The following ZFYVE9 variants were observed in gnomAD, a reference collection of about 807,000 sequenced individuals.
The protein encoded by ZFYVE9 is zinc finger FYVE-type containing 9, also known as zinc finger FYVE domain-containing protein 9.
In ZFYVE9, 43 loss-of-function variants were observed where a neutral mutation model predicts 126.7. That is an observed-to-expected ratio of 0.34 (90% confidence interval 0.27 to 0.44). The LOEUF (loss-of-function observed/expected upper bound fraction) is 0.44. Among genes scored for constraint, ZFYVE9 ranks in the 20% least tolerant of loss-of-function variants. The pLI, the probability that ZFYVE9 is intolerant of heterozygous loss-of-function variation, is 1.00. For missense variants in ZFYVE9, 1,476 were observed against 1,697.0 expected (o/e 0.87, Z 2.29); for synonymous variants, 521 against 597.4 (o/e 0.87, Z 1.87).
chr1:52,194,653 A>C (rs1572091087), intron 1 of ZFYVE9, among the ~76,000 whole-genome samples: 1 of 152,188 alleles, frequency 6.6e-6, no homozygotes, highest in East Asian at 1.9e-4. Context: ...AACAAACAGC[A>C]TGTTTGGTGG....
intron 11 of ZFYVE9, among the ~76,000 whole-genome samples, chr1:52,293,885 T>TA (rs757472098): frequency 6.6e-6 from 1 of 152,222 alleles, no homozygotes; most frequent in Non-Finnish European, 1.5e-5. Context: ...CTTGTAAACT[T>TA]ACTGCTTTTA....
chr1:52,257,871 G>A lies in ZFYVE9; in HGVS notation c.2179-5902G>A, dbSNP rs533110655. Reference sequence around the variant, plus strand: ...CTCCTGAGTAGCTGGGATTATAGGCGCCTGCCACCACTCCTGGCTAATTTT... The same window carrying A: ...CTCCTGAGTAGCTGGGATTATAGGCACCTGCCACCACTCCTGGCTAATTTT... On this transcript the variant is annotated intron_variant, in intron 4 of 18. Coordinates refer to ENST00000287727, the MANE Select transcript of ZFYVE9 (RefSeq NM_004799.4). Among the ~76,000 whole-genome samples the A allele has an allele frequency of 5.3e-5, 8 of 152,208 alleles. No homozygotes were observed. In the South Asian group the frequency reaches 8.3e-4, roughly 16 times the overall value.
At chr1:52,180,371 T>G in intron 1 of ZFYVE9, 1 of 1,542,744 alleles carries the variant, frequency 6.5e-7, no homozygotes. Context: ...CTCAGTTTAT[T>G]GGTCCTCTGG....
chr1:52,307,540 A>G (rs1646096286), intron 13 of ZFYVE9, among the ~76,000 whole-genome samples: 1 of 152,192 alleles, frequency 6.6e-6, no homozygotes, highest in African/African-American at 2.4e-5. Context: ...TTCAGCCCCC[A>G]TAGTTACTTC....
rs370549657 is a variant in ZFYVE9 at position 52,332,937 on chromosome 1, T to C, written c.3589+19T>C. 5 of 1,613,708 alleles carry C rather than the reference T, an allele frequency of 3.1e-6. No individual in the cohort carries two copies. In the East Asian group the frequency reaches 1.1e-4, roughly 36 times the overall value. ...AGAAAAGGTGAGCATTTGAGCTGGT[T>C]GAGATTATGATAATGGAAAATTATA... On this transcript the variant is annotated intron_variant, in intron 14 of 18. Coordinates refer to ENST00000287727, the MANE Select transcript of ZFYVE9 (RefSeq NM_004799.4).
intron 11 of ZFYVE9, among the ~76,000 whole-genome samples, 195 bp downstream of exon 11, chr1:52,293,872 T>TA (rs1645948726): frequency 6.6e-6 from 1 of 152,238 alleles, no homozygotes; most frequent in Admixed American, 6.5e-5. Flanking sequence ...GATTATGTAT[T>TA]ACCTTGTAAA....
intron 5 of ZFYVE9, among the ~76,000 whole-genome samples, chr1:52,264,406 A>G (rs1645613409): frequency 1.3e-5 from 2 of 152,220 alleles, no homozygotes; most frequent in African/African-American, 4.8e-5. Flanking sequence ...TAGATTTGCT[A>G]TGAGAATAAT....
chr1:52,290,894 T>G (rs1289386932), intron 10 of ZFYVE9, among the ~76,000 whole-genome samples: 1 of 152,198 alleles, frequency 6.6e-6, no homozygotes, highest in African/African-American at 2.4e-5. Context: ...ACATCTGGAA[T>G]TTAATATAGT....
chr1:52,314,127 A>G (rs1358458042), intron 13 of ZFYVE9, among the ~76,000 whole-genome samples: 1 of 152,226 alleles, frequency 6.6e-6, no homozygotes, highest in Non-Finnish European at 1.5e-5. Context: ...ATGAACCCCA[A>G]TTGCAAGAAA....
At chr1:52,174,731 C>T (rs1284873085) in intron 1 of ZFYVE9, among the ~76,000 whole-genome samples, 7 of 152,012 alleles carry the variant, frequency 4.6e-5, no homozygotes, top group East Asian at 1.9e-4. Flanking sequence ...GCTCTTCTTG[C>T]TGAATTGATC....
chr1:52,229,848 A>G (rs1391074780), intron 2 of ZFYVE9, among the ~76,000 whole-genome samples: 1 of 152,110 alleles, frequency 6.6e-6, no homozygotes, highest in African/African-American at 2.4e-5. Context: ...AACAACCAGG[A>G]AAGATTAGGC....
chr1:52,146,481 T>G (rs1166179225), intron 1 of ZFYVE9, among the ~76,000 whole-genome samples: 1 of 152,202 alleles, frequency 6.6e-6, no homozygotes, highest in Non-Finnish European at 1.5e-5. Flanking sequence ...CCTGCCAGTC[T>G]TTTCTTATAA....
At chr1:52,181,426 C>A (rs1388671993) in intron 1 of ZFYVE9, among the ~76,000 whole-genome samples, 1 of 152,222 alleles carries the variant, frequency 6.6e-6, no homozygotes, top group Non-Finnish European at 1.5e-5. Flanking sequence ...GTGATCTCGG[C>A]TCGCTACAAT....
chr1:52,296,077 T>A, intron 12 of ZFYVE9, 100 bp downstream of exon 12: 1 of 963,920 alleles, frequency 1.0e-6, no homozygotes, highest in Admixed American at 2.2e-5. Flanking sequence ...CCCAAGCTGC[T>A]TAAGGCAGGT....
chr1:52,301,148 C>T (rs1259458834), intron 12 of ZFYVE9, among the ~76,000 whole-genome samples: 1 of 151,966 alleles, frequency 6.6e-6, no homozygotes, highest in Non-Finnish European at 1.5e-5. Flanking sequence ...GTGTGAGCCA[C>T]CATGCTCAGC....
intron 4 of ZFYVE9, among the ~76,000 whole-genome samples, chr1:52,243,378 TTCAAGGTTGACACA>T (rs760795836): frequency 4.6e-5 from 7 of 152,224 alleles, no homozygotes; most frequent in African/African-American, 1.4e-4. Flanking sequence ...AGTGACATAG[TTCAAGGTTGACACA>T]TCAAGGTTGA....
At chr1:52,318,670 A>G (rs1646210521) in intron 13 of ZFYVE9, among the ~76,000 whole-genome samples, 1 of 152,154 alleles carries the variant, frequency 6.6e-6, no homozygotes, top group South Asian at 2.1e-4. Context: ...CTGTCTATGT[A>G]GCAAATCCTT....
At chr1:52,211,960 A>C (rs1645032763) in intron 1 of ZFYVE9, among the ~76,000 whole-genome samples, 1 of 152,062 alleles carries the variant, frequency 6.6e-6, no homozygotes, top group Admixed American at 6.6e-5. Flanking sequence ...TTTCCTTATA[A>C]GTTTATGTAA....
At chr1:52,311,937 A>C (rs7533337) in intron 13 of ZFYVE9, among the ~76,000 whole-genome samples, 4,676 of 151,706 alleles carry the variant, frequency 0.031, 179 homozygotes, top group African/African-American at 0.089. Context: ...ATTACAGGCA[A>C]ACGCCACCAT....
Sources: allele counts gnomAD v4.1 joint callset (sites outside exome capture counted in the v4.1 genomes callset), GRCh38; gene constraint gnomAD v4.1.1; transcripts MANE v1.5; gene names NCBI Gene and HGNC (gene_info 2026-07-23, HGNC 2026-07-21).